PCDH11X: variants seen among roughly 807,000 people sequenced by gnomAD.
The protein encoded by PCDH11X is protocadherin-11 X-linked.
Under a neutral mutation model 53.3 loss-of-function variants are expected in PCDH11X, and 18 were observed. The ratio of observed to expected loss-of-function variants is 0.34; its 90% CI spans 0.23 to 0.50. The LOEUF (loss-of-function observed/expected upper bound fraction) is 0.50, where lower values mean the gene tolerates loss of function less well. Among genes scored for constraint, PCDH11X ranks in the 20% least tolerant of loss-of-function variants. The probability of loss-of-function intolerance (pLI) is 0.98; values close to 1 mark genes in which losing one functional copy is unlikely to be tolerated. For synonymous variants in PCDH11X, 279 were observed against 393.3 expected (o/e 0.71, Z 3.44); for missense variants, 570 against 1,032.4 (o/e 0.55, Z 6.14).
At chrX:92,308,032 G>C (rs1230496788) in intron 8 of PCDH11X, among the ~76,000 whole-genome samples, 1 of 100,311 alleles carries the variant, frequency 1.0e-5, no homozygotes, top group Non-Finnish European at 2.0e-5. Context: ...AAGATATACT[G>C]TGTTTATGAA....
At chrX:92,387,046 C>A (rs1377677280) in intron 8 of PCDH11X, among the ~76,000 whole-genome samples, 1 of 102,766 alleles carries the variant, frequency 9.7e-6, no homozygotes, top group Non-Finnish European at 2.0e-5. Flanking sequence ...TTTCGGAAAC[C>A]AAATGCTTCA....
At chrX:91,970,619 C>G (rs901125390) in intron 6 of PCDH11X, among the ~76,000 whole-genome samples, 3 of 111,614 alleles carry the variant, frequency 2.7e-5, no homozygotes, top group South Asian at 3.7e-4. Context: ...TAATACCTCT[C>G]TTACTTGGCT....
chrX:92,086,954 C>G (rs1193512304), intron 6 of PCDH11X, among the ~76,000 whole-genome samples: 1 of 110,005 alleles, frequency 9.1e-6, no homozygotes, highest in East Asian at 2.9e-4. Context: ...TATATACACT[C>G]ACCAGACTAT....
chrX:91,850,123 G>C (rs1350965092), intron 5 of PCDH11X, among the ~76,000 whole-genome samples: 1 of 110,710 alleles, frequency 9.0e-6, no homozygotes, highest in Non-Finnish European at 1.9e-5. Flanking sequence ...CCTTATTCTT[G>C]GTTTCTATTA....
At chrX:91,822,327 T>A (rs1281201984) in intron 4 of PCDH11X, among the ~76,000 whole-genome samples, 31 of 106,098 alleles carry the variant, frequency 2.9e-4, no homozygotes, top group Non-Finnish European at 5.0e-4. Flanking sequence ...GTTGGTAAGC[T>A]ATTGATTATT....
intron 6 of PCDH11X, among the ~76,000 whole-genome samples, chrX:92,098,106 C>T (rs2148129534): frequency 9.0e-6 from 1 of 110,622 alleles, no homozygotes; most frequent in African/African-American, 3.3e-5. Context: ...ATTCCTAAAG[C>T]ATGAATATTT....
At chrX:91,892,012 GGTGTGTGTGT>G (rs367707799) in intron 6 of PCDH11X, among the ~76,000 whole-genome samples, 170 of 83,051 alleles carry the variant, frequency 2.0e-3, no homozygotes, top group African/African-American at 6.9e-3. Context: ...TAATTAGAGG[GGTGTGTGTGT>G]GTGTGTGTGT....
At chrX:92,148,119 T>TCC (rs2065349712) in intron 6 of PCDH11X, among the ~76,000 whole-genome samples, 1 of 20,335 alleles carries the variant, frequency 4.9e-5, no homozygotes, top group Non-Finnish European at 8.5e-5. Flanking sequence ...TCTTTCTTTC[T>TCC]TTCTTTCTTT....
chrX:92,117,993 GAACACGGA>G (rs200684576), intron 6 of PCDH11X, among the ~76,000 whole-genome samples: 1,446 of 112,052 alleles, frequency 0.013, 18 homozygotes, highest in African/African-American at 0.044. Context: ...CATATGCAGA[GAACACGGA>G]AATTAGAGCC....
intron 6 of PCDH11X, among the ~76,000 whole-genome samples, chrX:91,938,468 G>T (rs1602527789): frequency 9.4e-6 from 1 of 106,543 alleles, no homozygotes; most frequent in African/African-American, 3.4e-5. Flanking sequence ...TCCAGGTGGA[G>T]CCTGAATAAC....
chrX:92,376,421 T>C (rs1176490088), intron 8 of PCDH11X, among the ~76,000 whole-genome samples: 2 of 112,094 alleles, frequency 1.8e-5, no homozygotes, highest in Non-Finnish European at 3.8e-5. Flanking sequence ...ACTAACAAAA[T>C]GTAACAAACA....
rs756235831 is a variant in PCDH11X, at chrX:91,808,772, G to A, written c.-378-694G>A. Among the ~76,000 whole-genome samples, 9 of 110,254 alleles carry A rather than the reference G, an allele frequency of 8.2e-5. No homozygotes were observed. In the South Asian group the frequency reaches 3.4e-3, roughly 42 times the overall value. ...ATACAGAAAGTAAGAGAAAATTCAT[G>A]TATGTTTGTGTTTATCTGCACTTAC... is the stretch of plus-strand genomic sequence containing the variant. On this transcript the variant is annotated intron_variant, in intron 1 of 10. Coordinates refer to ENST00000682573, the MANE Select transcript of PCDH11X (RefSeq NM_032968.5).
intron 9 of PCDH11X, among the ~76,000 whole-genome samples, chrX:92,461,197 G>GA (rs1249612557): frequency 9.1e-6 from 1 of 109,860 alleles, no homozygotes; most frequent in Non-Finnish European, 1.9e-5. Flanking sequence ...CAGAGAAATG[G>GA]AAAAAATAAT....
chrX:92,366,729 T>C lies in PCDH11X; in HGVS notation c.3145-21006T>C, dbSNP rs371357726. 2.6e-3 allele frequency among the ~76,000 whole-genome samples: 253 copies of C among 98,907 alleles called. 7 individuals are homozygous for C. The East Asian group carries it at 0.05, about 20-fold the overall frequency. 85.9% of individuals were successfully genotyped at this position (98,907 alleles called of 115,157 possible). Reference sequence around the variant, plus strand: ...ATTGGTTTCAAAGAACTTATTTATTTCTGCCTTAATTTTGTTATTTACCCA... The same window carrying C: ...ATTGGTTTCAAAGAACTTATTTATTCCTGCCTTAATTTTGTTATTTACCCA... On this transcript the variant is annotated intron_variant, in intron 8 of 10. Transcript: ENST00000682573.
chrX:91,997,308 A>T (rs2062436587), intron 6 of PCDH11X, among the ~76,000 whole-genome samples: 1 of 110,636 alleles, frequency 9.0e-6, no homozygotes, highest in South Asian at 3.8e-4. Flanking sequence ...TTAGAGGAAA[A>T]GTTTCAAATT....
intron 9 of PCDH11X, among the ~76,000 whole-genome samples, chrX:92,462,092 G>C (rs1380927204): frequency 1.8e-5 from 2 of 111,401 alleles, no homozygotes; most frequent in Non-Finnish European, 3.8e-5. Context: ...TGAAGAAAAA[G>C]TTTTGAAATT....
chrX:92,509,621 A>C (rs1284674356), intron 10 of PCDH11X, among the ~76,000 whole-genome samples: 1 of 111,586 alleles, frequency 9.0e-6, no homozygotes, highest in Non-Finnish European at 1.9e-5. Context: ...TCTCAGTAAT[A>C]TTTTGCTTAC....
chrX:91,870,514 G>GA (rs1039950982), intron 5 of PCDH11X, among the ~76,000 whole-genome samples: 16 of 106,792 alleles, frequency 1.5e-4, no homozygotes, highest in East Asian at 1.5e-3. Context: ...ACACAATAGG[G>GA]AAAAAAAAAT....
At chrX:92,050,964 A>G (rs1392283987) in intron 6 of PCDH11X, among the ~76,000 whole-genome samples, 1 of 111,402 alleles carries the variant, frequency 9.0e-6, no homozygotes, top group Non-Finnish European at 1.9e-5. Flanking sequence ...ATTGACTTCA[A>G]TAAGTGATAT....
Sources: gnomAD v4.1 joint callset for allele counts (sites outside exome capture counted in the v4.1 genomes callset) on GRCh38, gnomAD v4.1.1 for gene constraint, MANE v1.5 for transcripts, NCBI Gene and HGNC (gene_info 2026-07-23, HGNC 2026-07-21) for gene names.